Variants in GABRD observed in about 807,000 individuals in gnomAD.
GABRD encodes the protein gamma-aminobutyric acid type A receptor subunit delta.
Under a neutral mutation model 47.3 loss-of-function variants are expected in GABRD, and 25 were observed. The ratio of observed to expected loss-of-function variants is 0.53; its 90% CI spans 0.39 to 0.74. GABRD has a LOEUF of 0.74. Ranked by LOEUF, GABRD falls within the 30% of genes least tolerant of loss-of-function variation. The pLI is 0.00. For missense variants in GABRD, 497 were observed against 643.4 expected (o/e 0.77, Z 2.46); for synonymous variants, 314 against 278.8 (o/e 1.13, Z -1.26).
In GABRD at chr1:2,025,049, T is replaced by C. The variant is rs1355123538; in HGVS notation, c.176T>C (p.Ile59Thr). 6.2e-7 allele frequency: 1 copy of C among 1,611,938 alleles called. No individual in the cohort carries two copies. The highest frequency in any genetic ancestry group is 1.7e-5 in the Admixed American group (1 of 59,994). Residue 59 changes from isoleucine (I) to threonine (T), a missense_variant, in exon 2 of 9, where the codon ATC (isoleucine) becomes ACC (threonine). Coordinates refer to ENST00000378585, the MANE Select transcript of GABRD (RefSeq NM_000815.5). ...TACGCCCGCAACTTCCGGCCTGGCATCGGAGGTGAGGGGCGGTCCAGGCCC... is the reference window on the plus strand; with the variant it reads ...TACGCCCGCAACTTCCGGCCTGGCACCGGAGGTGAGGGGCGGTCCAGGCCC... ...AGYARNFRPG[I>T]GGPPVNVALA...
In GABRD at chr1:2,029,075, C is replaced by A. The variant is rs183479676; in HGVS notation, c.692-36C>A. The A allele has an allele frequency of 6.8e-5, 105 of 1,536,816 alleles. No homozygotes were observed. The African/African-American group carries it at 1.4e-3, about 20-fold the overall frequency. On this transcript the variant is annotated intron_variant, in intron 6 of 8. Coordinates refer to ENST00000378585, the MANE Select transcript of GABRD (RefSeq NM_000815.5). ...AGTCCCATGGTTGGGCTGGGCTGGGCAGGGATGGGGGCACTGACGGTGGCT... is the reference window on the plus strand; with the variant it reads ...AGTCCCATGGTTGGGCTGGGCTGGGAAGGGATGGGGGCACTGACGGTGGCT...
At position 2,029,031 on chromosome 1, in the gene GABRD, C is replaced by T. The variant is rs550276806; in HGVS notation, c.692-80C>T. On this transcript the variant is annotated intron_variant, in intron 6 of 8. Transcript: ENST00000378585. Reference sequence around the variant, plus strand: ...TGAGCCCTGGTGGGCCCCGTAGCTGCCAAGCCCTGCAGCCCCTGAGTCCCA... The same window carrying T: ...TGAGCCCTGGTGGGCCCCGTAGCTGTCAAGCCCTGCAGCCCCTGAGTCCCA... 8.6e-6 allele frequency: 13 copies of T among 1,513,806 alleles called. No homozygotes were observed. In the African/African-American group the frequency reaches 9.7e-5, roughly 11 times the overall value. The allele number at this position is 1,513,806 out of a possible 1,614,324, so 93.8% of individuals were successfully genotyped here.
chr1:2,023,294 G>A (rs530559298), intron 1 of GABRD, among the ~76,000 whole-genome samples: 2 of 151,976 alleles, frequency 1.3e-5, no homozygotes, highest in South Asian at 4.2e-4. Context: ...AGCAGAGTAG[G>A]CTGCAGGTGA....
rs1659040935 is a variant in GABRD at position 2,030,038 on chromosome 1, A to G, written c.1115A>G (p.Gln372Arg). The G allele has an allele frequency of 7.4e-6, 12 of 1,612,600 alleles. No homozygotes were observed. Among genetic ancestry groups the G allele is most frequent in the African/African-American group, 1.3e-5 (1 of 75,056 alleles). Reference sequence around the variant, plus strand: ...TCCCTCTCTGCTGCCGGCGTCACGCAGGAGCTGGCCATCTCCCGCCGGCAG... The same window carrying G: ...TCCCTCTCTGCTGCCGGCGTCACGCGGGAGCTGGCCATCTCCCGCCGGCAG... The part of the protein sequence containing the change: ...LFSLSAAGVT[Q>R]ELAISRRQRR... The change falls in exon 9 of 9, where the codon CAG becomes CGG. Residue 372 changes from glutamine (Q) to arginine (R), a missense_variant. Physicochemically the swap from Gln to Arg is conservative, Grantham distance 43 (BLOSUM62 1). Around this residue, in one of 3 missense-constraint regions of GABRD, gnomAD observed 285 missense variants for 436.6 expected, o/e 0.65. Transcript: ENST00000378585.
Position 2,019,384 on chromosome 1 carries a change from G to A in GABRD, c.-40G>A, listed in dbSNP as rs1658712754. 2 of 1,032,496 alleles carry A rather than the reference G, an allele frequency of 1.9e-6. No homozygotes were observed. Among genetic ancestry groups the A allele is most frequent in the Admixed American group, 5.6e-5 (1 of 17,884 alleles). 64.0% of individuals were successfully genotyped at this position (1,032,496 alleles called of 1,614,324 possible). A position where few individuals can be genotyped will look rare whatever the true frequency, so the allele number is the denominator to read the frequency against. On this transcript the variant is annotated 5_prime_UTR_variant, in exon 1 of 9. Coordinates refer to ENST00000378585, the MANE Select transcript of GABRD (RefSeq NM_000815.5). ...TGTGCCGCCTGTGCGGCCGCCGGGA[G>A]CCAAGTTTGCGCGGACCCCGTCCCG... is the stretch of plus-strand genomic sequence containing the variant.
At chr1:2,027,781 C>T (rs1658969294) in intron 5 of GABRD, 122 bp downstream of exon 5, 2 of 895,006 alleles carry the variant, frequency 2.2e-6, no homozygotes, top group Non-Finnish European at 3.6e-6. Context: ...AAACCAGCTT[C>T]TGCATGCAAG....
rs570637930 is a variant in GABRD at position 2,021,600 on chromosome 1, G to T, written c.68+2109G>T. Among the ~76,000 whole-genome samples, 11 of 152,298 alleles carry T rather than the reference G, an allele frequency of 7.2e-5. No individual in the cohort carries two copies. In the East Asian group the frequency reaches 2.1e-3, roughly 29 times the overall value. On this transcript the variant is annotated intron_variant, in intron 1 of 8. Coordinates refer to ENST00000378585, the MANE Select transcript of GABRD (RefSeq NM_000815.5). Reference sequence around the variant, plus strand: ...CTGCGTGGCGGCCGTGGGTCGGCCCGGAGTGTGAAGACCCGTGCACGCGGC... The same window carrying T: ...CTGCGTGGCGGCCGTGGGTCGGCCCTGAGTGTGAAGACCCGTGCACGCGGC...
intron 1 of GABRD, 65 bp downstream of exon 1, chr1:2,019,556 T>G: frequency 1.0e-6 from 1 of 992,636 alleles, no homozygotes; most frequent in Non-Finnish European, 1.2e-6. Flanking sequence ...CGGCCCGAGA[T>G]AGCGGCTGGG....
Position 2,028,423 on chromosome 1 carries a change from C to CA in GABRD, c.691+131_691+132insA, listed in dbSNP as rs35354651. The CA allele has an allele frequency of 1.0e-6, 1 of 986,482 alleles. No homozygotes were observed. The allele number at this position is 986,482 out of a possible 1,614,324, so 61.1% of individuals were successfully genotyped here. Reference sequence around the variant, plus strand: ...GTGGTTTTCATGCTTTTTAGTCAAGCGCCCGCAGGCCCCCAGGGCCTCTGG... The same window carrying CA: ...GTGGTTTTCATGCTTTTTAGTCAAGCAGCCCGCAGGCCCCCAGGGCCTCTGG... On this transcript the variant is annotated intron_variant, in intron 6 of 8. Transcript: ENST00000378585. The surrounding 1 kb of genome is among the most constrained non-coding windows in gnomAD (Gnocchi z 6.4).
Position 2,019,394 on chromosome 1 carries a change from C to A in GABRD, c.-30C>A. The A allele has an allele frequency of 9.5e-7, 1 of 1,047,226 alleles. No homozygotes were observed. The highest frequency in any genetic ancestry group is 1.1e-6 in the Non-Finnish European group (1 of 871,662). The allele number at this position is 1,047,226 out of a possible 1,614,324, so 64.9% of individuals were successfully genotyped here. ...GTGCGGCCGCCGGGAGCCAAGTTTGCGCGGACCCCGTCCCGAGCCCGCCGC... is the reference window on the plus strand; with the variant it reads ...GTGCGGCCGCCGGGAGCCAAGTTTGAGCGGACCCCGTCCCGAGCCCGCCGC... On this transcript the variant is annotated 5_prime_UTR_variant, in exon 1 of 9. Coordinates refer to ENST00000378585, the MANE Select transcript of GABRD (RefSeq NM_000815.5).
In GABRD at chr1:2,030,252, TG is replaced by T. The variant is rs1571033817; in HGVS notation, c.1330del (p.Val444SerfsTer65). 6.4e-7 allele frequency: 1 copy of T among 1,558,594 alleles called. No individual in the cohort carries two copies. The highest frequency in any genetic ancestry group is 8.7e-7 in the Non-Finnish European group (1 of 1,148,348). On this transcript the variant is annotated frameshift_variant, in exon 9 of 9. Transcript: ENST00000378585. LOFTEE classifies it high-confidence loss of function. The part of the protein sequence containing the change: ...VFPAAFAAVN[V>X]IYWAAYAM ...TCCCTGCGGCGTTTGCGGCCGTCAA[TG>T]TCATCTACTGGGCGGCATACGCCAT...
intron 1 of GABRD, among the ~76,000 whole-genome samples, chr1:2,021,620 C>T (rs1195211900): frequency 2.6e-5 from 4 of 152,130 alleles, no homozygotes; most frequent in African/African-American, 7.2e-5. Flanking sequence ...GACCCGTGCA[C>T]GCGGCAGGCA....
At position 2,025,825 on chromosome 1, in the gene GABRD, C is replaced by G. The variant is rs554024339; in HGVS notation, c.470+87C>G. On this transcript the variant is annotated intron_variant, in intron 4 of 8. Coordinates refer to ENST00000378585, the MANE Select transcript of GABRD (RefSeq NM_000815.5). ...GGACGCTCCAAGGCTTGGAAAAGCT[C>G]GAGCGGCTTCTGCTGCCGGGAGCTG... 8.1e-6 allele frequency: 10 copies of G among 1,241,664 alleles called. No homozygotes were observed. In the African/African-American group the frequency reaches 9.0e-5, roughly 11 times the overall value. The allele number at this position is 1,241,664 out of a possible 1,614,324, so 76.9% of individuals were successfully genotyped here.
chr1:2,024,812 G>C, intron 1 of GABRD, 130 bp from the exon 2 acceptor site: 4 of 657,750 alleles, frequency 6.1e-6, no homozygotes, highest in Non-Finnish European at 1.1e-5. Flanking sequence ...CACCTGCAAG[G>C]GCTCCCACAG....
intron 1 of GABRD, among the ~76,000 whole-genome samples, chr1:2,019,934 G>C (rs973559272): frequency 1.3e-5 from 2 of 152,202 alleles, no homozygotes; most frequent in Non-Finnish European, 2.9e-5. Flanking sequence ...CGTTCCCCCA[G>C]TGAGCTTCCC....
Position 2,028,101 on chromosome 1 carries a change from G to A in GABRD, c.554-54G>A, listed in dbSNP as rs1337161341. The stretch of plus-strand genomic sequence containing the variant: ...CTGTGTGGACGGAGCGCTCCTGCCA[G>A]GGCTCCCGGGGCAGGGCCGGGCTCT... On this transcript the variant is annotated intron_variant, in intron 5 of 8. Coordinates refer to ENST00000378585, the MANE Select transcript of GABRD (RefSeq NM_000815.5). This position sits in a 1 kb window ranked among gnomAD's most constrained non-coding sequence, Gnocchi z 6.4. 6.3e-7 allele frequency: 1 copy of A among 1,578,432 alleles called. No individual in the cohort carries two copies. The highest frequency in any genetic ancestry group is 1.3e-5 in the African/African-American group (1 of 74,152).
At chr1:2,026,337 T>G (rs1210028363) in intron 4 of GABRD, among the ~76,000 whole-genome samples, 3 of 152,114 alleles carry the variant, frequency 2.0e-5, no homozygotes, top group African/African-American at 7.2e-5. Context: ...CAGGGGCGCC[T>G]TCTTCTTCAT....
At chr1:2,027,778 C>A (rs1658969203) in intron 5 of GABRD, 119 bp downstream of exon 5, 1 of 900,008 alleles carries the variant, frequency 1.1e-6, no homozygotes, top group Non-Finnish European at 1.8e-6. Flanking sequence ...ACCAAACCAG[C>A]TTCTGCATGC....
chr1:2,027,396 A>G, intron 4 of GABRD, 181 bp from the exon 5 acceptor site: 1 of 660,562 alleles, frequency 1.5e-6, no homozygotes, highest in Non-Finnish European at 2.8e-6. Flanking sequence ...TCCTAAAGGA[A>G]TACTTGACGT....
Sources: gnomAD v4.1 joint callset for allele counts (sites outside exome capture counted in the v4.1 genomes callset) on GRCh38, gnomAD v4.1.1 for gene constraint, gnomAD v4.1.1 regional missense constraint, Gnocchi (gnomAD v3.1) non-coding constraint, MANE v1.5 for transcripts, NCBI Gene and HGNC (gene_info 2026-07-23, HGNC 2026-07-21) for gene names.